The following PTPRD variants were observed in gnomAD, a reference collection of about 807,000 sequenced individuals.
PTPRD encodes receptor-type tyrosine-protein phosphatase delta.
PTPRD carries 34 observed loss-of-function variants against 214.5 expected under a neutral mutation model. The observed-to-expected ratio is 0.16, with a 90% confidence interval of 0.12 to 0.21. The LOEUF (loss-of-function observed/expected upper bound fraction) is 0.21. PTPRD is among the 10% of genes least tolerant of loss of function. PTPRD has a pLI of 1.00. For missense variants in PTPRD, 2,545 were observed against 2,398.7 expected (o/e 1.06, Z -1.27); for synonymous variants, 1,128 against 845.7 (o/e 1.33, Z -5.79).
At chr9:9,351,940 C>T (rs1295601318) in intron 9 of PTPRD, among the ~76,000 whole-genome samples, 1 of 151,888 alleles carries the variant, frequency 6.6e-6, no homozygotes, top group African/African-American at 2.4e-5. Context: ...TAAGAGCTTC[C>T]TCCATGAGAA....
At chr9:10,555,595 A>C (rs1007377412) in intron 2 of PTPRD, among the ~76,000 whole-genome samples, 3 of 152,216 alleles carry the variant, frequency 2.0e-5, no homozygotes, top group African/African-American at 7.2e-5. Context: ...TACAAAAGGC[A>C]AGAATACTCA....
chr9:9,806,630 C>A (rs570876892), intron 5 of PTPRD, among the ~76,000 whole-genome samples: 1 of 152,264 alleles, frequency 6.6e-6, no homozygotes, highest in East Asian at 1.9e-4. Context: ...ACTCCTTTCT[C>A]AGACTCAGCC....
chr9:10,436,771 C>T (rs1359814045), intron 2 of PTPRD, among the ~76,000 whole-genome samples: 1 of 151,682 alleles, frequency 6.6e-6, no homozygotes, highest in African/African-American at 2.4e-5. Context: ...AAAATACTGA[C>T]AGGTTTTCTG....
chr9:10,580,160 A>G (rs1421859186), intron 2 of PTPRD, among the ~76,000 whole-genome samples: 2 of 152,184 alleles, frequency 1.3e-5, no homozygotes, highest in Non-Finnish European at 2.9e-5. Flanking sequence ...TTTTTCTATA[A>G]AAGTGACAAT....
intron 11 of PTPRD, among the ~76,000 whole-genome samples, chr9:8,762,546 CGGA>C (rs1399539265): frequency 1.3e-5 from 2 of 151,986 alleles, no homozygotes; most frequent in Non-Finnish European, 2.9e-5. Context: ...CTCTCTGGCA[CGGA>C]GGAGAGAAAG....
Position 8,509,443 on chromosome 9 carries a change from T to C in PTPRD, c.1544-2009A>G, listed in dbSNP as rs547155691. On this transcript the variant is annotated intron_variant, in intron 21 of 45. Coordinates refer to ENST00000381196, the MANE Select transcript of PTPRD (RefSeq NM_002839.4). ...TTTCCTAGTTTTATTTGCTTCTTTC[T>C]TTCTCCCAATTTCCTGGGAAACAAG... Among the ~76,000 whole-genome samples, 9 of 152,252 alleles carry C rather than the reference T, an allele frequency of 5.9e-5. No individual in the cohort carries two copies. In the East Asian group the frequency reaches 1.7e-3, roughly 29 times the overall value.
chr9:10,041,059 G>A (rs1040331368), intron 3 of PTPRD, among the ~76,000 whole-genome samples: 3 of 151,940 alleles, frequency 2.0e-5, no homozygotes, highest in African/African-American at 7.2e-5. Flanking sequence ...AAACAAGAAT[G>A]TAAAAACATA....
chr9:8,729,031 A>G (rs980792160), intron 12 of PTPRD, among the ~76,000 whole-genome samples: 2 of 152,270 alleles, frequency 1.3e-5, no homozygotes, highest in Non-Finnish European at 2.9e-5. Flanking sequence ...GGTCATATCA[A>G]TGGCCACTCA....
At chr9:10,107,466 A>C (rs1187321323) in intron 3 of PTPRD, among the ~76,000 whole-genome samples, 1 of 152,082 alleles carries the variant, frequency 6.6e-6, no homozygotes, top group Non-Finnish European at 1.5e-5. Context: ...AATGACCCCC[A>C]GAGTTTATTG....
chr9:9,246,332 C>T (rs1474316274), intron 9 of PTPRD, among the ~76,000 whole-genome samples: 3 of 152,044 alleles, frequency 2.0e-5, no homozygotes, highest in Non-Finnish European at 2.9e-5. Flanking sequence ...TTTCCTGCAG[C>T]CCTGCAAGCT....
chr9:8,465,487 T>C lies in PTPRD; in HGVS notation c.3693A>G (p.Ala1231=), dbSNP rs199529379. ...TTACAGACTCTGCATGTTCCATTAC[T>C]GCTAACACAAAGAAGACATATTCTT... ...SGQEYVFFVL[A]VMEHAESKMY... Residue 1231 remains alanine, a synonymous_variant, in exon 32 of 46, where the codon GCA becomes GCG. Transcript: ENST00000381196. 10 of 1,612,254 alleles carry C rather than the reference T, an allele frequency of 6.2e-6. No homozygotes were observed. Among genetic ancestry groups the C allele is most frequent in the Non-Finnish European group, 8.5e-6 (10 of 1,178,848 alleles).
intron 3 of PTPRD, among the ~76,000 whole-genome samples, chr9:10,169,396 C>A (rs2099184943): frequency 6.8e-6 from 1 of 147,738 alleles, no homozygotes; most frequent in Non-Finnish European, 1.5e-5. Flanking sequence ...ATGGCGTGAA[C>A]CCCGGAGGCG....
At chr9:9,197,935 A>G (rs373787580) in intron 9 of PTPRD, among the ~76,000 whole-genome samples, 2 of 152,352 alleles carry the variant, frequency 1.3e-5, no homozygotes, top group East Asian at 3.9e-4. Context: ...AGGGAATTGC[A>G]TAGCATCAAG....
At chr9:10,311,159 A>G (rs2096257138) in intron 3 of PTPRD, among the ~76,000 whole-genome samples, 1 of 151,802 alleles carries the variant, frequency 6.6e-6, no homozygotes, top group Admixed American at 6.6e-5. Context: ...CTTTTTCTCT[A>G]GTACTAGGGA....
intron 7 of PTPRD, among the ~76,000 whole-genome samples, chr9:9,651,925 C>G (rs548146592): frequency 6.8e-6 from 1 of 146,664 alleles, no homozygotes; most frequent in Non-Finnish European, 1.5e-5. Context: ...AGTTCCGTCT[C>G]CTGGGTTCAC....
At chr9:9,196,045 A>T (rs188610850) in intron 9 of PTPRD, among the ~76,000 whole-genome samples, 76 of 152,294 alleles carry the variant, frequency 5.0e-4, no homozygotes, top group Admixed American at 4.8e-3. Context: ...AAAGATGGGG[A>T]GGCCAAGATT....
intron 14 of PTPRD, among the ~76,000 whole-genome samples, chr9:8,588,838 G>A (rs1340304096): frequency 6.6e-6 from 1 of 151,996 alleles, no homozygotes; most frequent in East Asian, 1.9e-4. Context: ...GAAATCTTTA[G>A]GCAACTTCCC....
At chr9:9,080,547 T>C (rs772333125) in intron 10 of PTPRD, among the ~76,000 whole-genome samples, 1 of 152,018 alleles carries the variant, frequency 6.6e-6, no homozygotes, top group Non-Finnish European at 1.5e-5. Flanking sequence ...TAGGGTTAGG[T>C]AATTCCCAAG....
intron 9 of PTPRD, among the ~76,000 whole-genome samples, chr9:9,188,055 C>G (rs1423648432): frequency 2.0e-5 from 3 of 152,060 alleles, no homozygotes; most frequent in South Asian, 2.1e-4. Context: ...CATGCTTACT[C>G]TCAAACTCAC....
Sources: allele counts gnomAD v4.1 joint callset (sites outside exome capture counted in the v4.1 genomes callset), GRCh38; gene constraint gnomAD v4.1.1; transcripts MANE v1.5; gene names NCBI Gene and HGNC (gene_info 2026-07-23, HGNC 2026-07-21).